CDH13: variants seen among roughly 807,000 people sequenced by gnomAD.
CDH13 encodes cadherin 13.
A neutral mutation model predicts 63.8 loss-of-function variants in CDH13; 24 were observed. That is an observed-to-expected ratio of 0.38 (90% confidence interval 0.27 to 0.53). The LOEUF is 0.53. Ranked by LOEUF, CDH13 falls within the 20% of genes least tolerant of loss-of-function variation. The pLI, the probability that CDH13 is intolerant of heterozygous loss-of-function variation, is 0.85. For missense variants in CDH13, 1,049 were observed against 903.1 expected (o/e 1.16, Z -2.07); for synonymous variants, 503 against 355.3 (o/e 1.42, Z -4.67).
chr16:83,334,162 C>G (rs1292029296), intron 5 of CDH13, among the ~76,000 whole-genome samples: 1 of 152,054 alleles, frequency 6.6e-6, no homozygotes, highest in African/African-American at 2.4e-5. Flanking sequence ...TCACTCTGAC[C>G]TTCGCTTCTT....
chr16:83,723,366 G>A (rs1909945830), intron 10 of CDH13, among the ~76,000 whole-genome samples: 1 of 152,228 alleles, frequency 6.6e-6, no homozygotes. Context: ...AAAGGGCTGA[G>A]CCAAGATTTG....
intron 5 of CDH13, among the ~76,000 whole-genome samples, chr16:83,319,026 A>T (rs1014664906): frequency 6.6e-6 from 1 of 151,148 alleles, no homozygotes; most frequent in Non-Finnish European, 1.5e-5. Flanking sequence ...AAATATATAT[A>T]TAACATATAT....
At chr16:82,885,195 C>T (rs2040841495) in intron 2 of CDH13, among the ~76,000 whole-genome samples, 1 of 152,106 alleles carries the variant, frequency 6.6e-6, no homozygotes, top group Admixed American at 6.6e-5. Context: ...ACTCTTATGG[C>T]TTTGCATTGT....
intron 8 of CDH13, among the ~76,000 whole-genome samples, chr16:83,624,338 G>GCCCC (rs202230797): frequency 5.5e-5 from 8 of 145,234 alleles, no homozygotes; most frequent in African/African-American, 1.3e-4. Flanking sequence ...ATGAGATAAC[G>GCCCC]CCCCCACCCC....
chr16:82,918,212 TAGG>T (rs1425922725), intron 2 of CDH13, among the ~76,000 whole-genome samples: 2 of 152,042 alleles, frequency 1.3e-5, no homozygotes, highest in South Asian at 4.2e-4. Context: ...CAAATATAAA[TAGG>T]AGAAAATTGA....
chr16:82,634,103 G>C (rs1908357239), intron 1 of CDH13, among the ~76,000 whole-genome samples: 1 of 152,218 alleles, frequency 6.6e-6, no homozygotes, highest in Non-Finnish European at 1.5e-5. Context: ...GTGTCTCCTA[G>C]CTGAACGCAG....
chr16:83,078,803 T>G lies in CDH13; in HGVS notation c.367-46582T>G, dbSNP rs75338641. 1.8e-3 allele frequency among the ~76,000 whole-genome samples: 268 copies of G among 152,030 alleles called. 8 individuals are homozygous for G. In the East Asian group the frequency reaches 0.039, roughly 22 times the overall value. ...TTGTTTGTTTGTTTTGGTTTTTTGG[T>G]TTTTTTTGAGACAGAGTCTTGCTGT... On this transcript the variant is annotated intron_variant, in intron 3 of 13. Transcript: ENST00000567109.
intron 4 of CDH13, among the ~76,000 whole-genome samples, chr16:83,130,708 C>T (rs1473522357): frequency 1.3e-5 from 2 of 152,136 alleles, no homozygotes; most frequent in African/African-American, 4.8e-5. Flanking sequence ...TCATAAAAGA[C>T]ACAGGAGTTA....
At chr16:82,654,030 G>A (rs1271319122) in intron 1 of CDH13, among the ~76,000 whole-genome samples, 1 of 152,112 alleles carries the variant, frequency 6.6e-6, no homozygotes, top group African/African-American at 2.4e-5. Context: ...AATCACTCAG[G>A]CAGAGACACA....
intron 7 of CDH13, among the ~76,000 whole-genome samples, chr16:83,539,051 A>C (rs2075251231): frequency 6.6e-6 from 1 of 152,088 alleles, no homozygotes; most frequent in South Asian, 2.1e-4. Context: ...TCTGGCATAC[A>C]AAGTGTTTTC....
At chr16:83,443,806 G>T (rs1232510459) in intron 6 of CDH13, among the ~76,000 whole-genome samples, 2 of 142,090 alleles carry the variant, frequency 1.4e-5, no homozygotes, top group Non-Finnish European at 3.1e-5. Flanking sequence ...TTGGTGGCAT[G>T]TGCCTGTAGT....
chr16:83,464,623 A>G (rs901700884), intron 6 of CDH13, among the ~76,000 whole-genome samples: 10 of 152,086 alleles, frequency 6.6e-5, no homozygotes, highest in African/African-American at 9.7e-5. Flanking sequence ...AGCTCCCAAC[A>G]TGCTGGGATT....
intron 5 of CDH13, among the ~76,000 whole-genome samples, chr16:83,255,333 C>T (rs553185471): frequency 1.7e-4 from 26 of 152,304 alleles, no homozygotes; most frequent in African/African-American, 7.2e-5. Context: ...GTTTGAACTA[C>T]GGCTGGTTGC....
intron 10 of CDH13, among the ~76,000 whole-genome samples, chr16:83,680,929 T>C (rs1000577089): frequency 2.0e-5 from 3 of 151,972 alleles, no homozygotes; most frequent in African/African-American, 7.3e-5. Context: ...CTGGGTTGTC[T>C]CCATCCTCAG....
intron 2 of CDH13, among the ~76,000 whole-genome samples, chr16:82,935,102 G>T (rs192874326): frequency 2.7e-4 from 41 of 152,326 alleles, no homozygotes; most frequent in Middle Eastern, 6.8e-3. Flanking sequence ...GATTTATAAA[G>T]TAAAGTGGTT....
intron 2 of CDH13, among the ~76,000 whole-genome samples, chr16:82,913,861 C>G (rs1223376588): frequency 6.6e-6 from 1 of 152,134 alleles, no homozygotes; most frequent in African/African-American, 2.4e-5. Context: ...AAGGTAACCA[C>G]TCGGAGCACC....
chr16:83,244,502 T>G (rs1018892735), intron 5 of CDH13, among the ~76,000 whole-genome samples: 1 of 152,218 alleles, frequency 6.6e-6, no homozygotes, highest in Admixed American at 6.5e-5. Flanking sequence ...TCTCTAAGTC[T>G]GTGCCACTGA....
chr16:83,666,844 C>G (rs1345287674), intron 8 of CDH13, among the ~76,000 whole-genome samples: 2 of 152,150 alleles, frequency 1.3e-5, no homozygotes, highest in African/African-American at 2.4e-5. Context: ...CATACACACA[C>G]ACACACAGAC....
At chr16:83,096,274 T>C (rs2034188048) in intron 3 of CDH13, among the ~76,000 whole-genome samples, 1 of 152,164 alleles carries the variant, frequency 6.6e-6, no homozygotes, top group African/African-American at 2.4e-5. Flanking sequence ...TATATAGTAT[T>C]AGTCTGCAGC....
Sources: allele counts gnomAD v4.1 joint callset (sites outside exome capture counted in the v4.1 genomes callset), GRCh38; gene constraint gnomAD v4.1.1; transcripts MANE v1.5; gene names NCBI Gene and HGNC (gene_info 2026-07-23, HGNC 2026-07-21).